Variants in OPCML observed in about 807,000 individuals in gnomAD.
OPCML encodes opioid binding protein/cell adhesion molecule like.
A neutral mutation model predicts 37.8 loss-of-function variants in OPCML; 13 were observed. The ratio of observed to expected loss-of-function variants is 0.34; its 90% CI spans 0.22 to 0.55. The LOEUF (loss-of-function observed/expected upper bound fraction) is 0.55, where lower values mean the gene tolerates loss of function less well. Ranked by LOEUF, OPCML falls within the 20% of genes least tolerant of loss-of-function variation. The pLI is 0.91. For missense variants in OPCML, 341 were observed against 435.6 expected, an observed-to-expected ratio of 0.78 and a Z score of 1.93; for synonymous variants, 176 against 168.8, an observed-to-expected ratio of 1.04 and a Z score of -0.33.
intron 4 of OPCML, among the ~76,000 whole-genome samples, chr11:132,471,694 GC>G (rs1478302418): frequency 6.6e-6 from 1 of 152,204 alleles, no homozygotes; most frequent in Non-Finnish European, 1.5e-5. Flanking sequence ...ACAAGGCCAT[GC>G]ATTCCAGGAG....
At chr11:133,190,079 T>C (rs1375695230) in intron 1 of OPCML, among the ~76,000 whole-genome samples, 1 of 152,202 alleles carries the variant, frequency 6.6e-6, no homozygotes, top group Non-Finnish European at 1.5e-5. Context: ...TCAACAAAGA[T>C]ATAATCCTAC....
intron 1 of OPCML, among the ~76,000 whole-genome samples, chr11:133,189,225 G>A (rs1281255327): frequency 1.3e-5 from 2 of 152,046 alleles, no homozygotes; most frequent in African/African-American, 2.4e-5. Flanking sequence ...AATGAAATCA[G>A]AACCTGGATA....
intron 3 of OPCML, among the ~76,000 whole-genome samples, chr11:132,557,076 T>C (rs2096397319): frequency 6.6e-6 from 1 of 152,216 alleles, no homozygotes; most frequent in East Asian, 1.9e-4. Flanking sequence ...AATCTTATTC[T>C]TACCCTAGTT....
intron 1 of OPCML, among the ~76,000 whole-genome samples, chr11:133,134,429 GC>G (rs1949651631): frequency 6.6e-6 from 1 of 152,214 alleles, no homozygotes; most frequent in Non-Finnish European, 1.5e-5. Context: ...TCTGTCCTGA[GC>G]CACAGTCCTT....
intron 1 of OPCML, among the ~76,000 whole-genome samples, chr11:133,424,806 G>A (rs1156560771): frequency 6.6e-6 from 1 of 152,132 alleles, no homozygotes; most frequent in Non-Finnish European, 1.5e-5. Context: ...ATTAAACTTT[G>A]CAAAACAATG....
At chr11:132,924,660 G>T (rs1181778907) in intron 2 of OPCML, among the ~76,000 whole-genome samples, 1 of 152,108 alleles carries the variant, frequency 6.6e-6, no homozygotes, top group Non-Finnish European at 1.5e-5. Flanking sequence ...TTCCCCGCTA[G>T]TATCTTCCAA....
intron 1 of OPCML, among the ~76,000 whole-genome samples, chr11:132,988,923 C>T (rs1355482485): frequency 1.3e-5 from 2 of 152,144 alleles, no homozygotes; most frequent in African/African-American, 2.4e-5. Context: ...AATGAACAAG[C>T]ATAGCAGGGA....
At chr11:133,031,017 T>C (rs1279659519) in intron 1 of OPCML, among the ~76,000 whole-genome samples, 2 of 152,206 alleles carry the variant, frequency 1.3e-5, no homozygotes, top group Non-Finnish European at 2.9e-5. Context: ...ATAGCTTGAG[T>C]AGGATATAAT....
At position 133,182,137 on chromosome 11, in the gene OPCML, C is replaced by G. The variant is rs962347410; in HGVS notation, c.62-239127G>C. On this transcript the variant is annotated intron_variant, in intron 1 of 7. Coordinates refer to ENST00000524381, the MANE Select transcript of OPCML (RefSeq NM_001012393.5). ...CCCCTAATGCTAAATAACTGTACTG[C>G]CCTCAGCTGACTGCCCATCTTCAGT... Among the ~76,000 whole-genome samples, 74 of 152,154 alleles carry G rather than the reference C, an allele frequency of 4.9e-4. 1 individual carries two copies. Among genetic ancestry groups the G allele is most frequent in the Admixed American group, 4.8e-3 (73 of 15,280 alleles).
chr11:132,504,780 A>G lies in OPCML; in HGVS notation c.505+24281T>C, dbSNP rs144538467. On this transcript the variant is annotated intron_variant, in intron 4 of 7. Transcript: ENST00000524381. Reference sequence around the variant, plus strand: ...TGACTTGGCTGGGGAGCCACGAGCTATTGTGTGGCTGTATGCTATGGTCAT... The same window carrying G: ...TGACTTGGCTGGGGAGCCACGAGCTGTTGTGTGGCTGTATGCTATGGTCAT... Among the ~76,000 whole-genome samples the G allele has an allele frequency of 2.2e-3, 330 of 152,096 alleles. 1 individual carries two copies. Among genetic ancestry groups the G allele is most frequent in the Non-Finnish European group, 3.5e-3 (239 of 67,990 alleles).
chr11:132,705,988 A>T (rs1944017046), intron 2 of OPCML, among the ~76,000 whole-genome samples: 1 of 152,032 alleles, frequency 6.6e-6, no homozygotes, highest in Non-Finnish European at 1.5e-5. Flanking sequence ...TTGTATCTTT[A>T]GTAAAGACGG....
intron 1 of OPCML, among the ~76,000 whole-genome samples, chr11:133,276,872 C>G (rs576337403): frequency 1.3e-5 from 2 of 152,294 alleles, no homozygotes; most frequent in African/African-American, 4.8e-5. Flanking sequence ...CTTTGAAAGA[C>G]TTCATCCATT....
chr11:133,006,311 T>A (rs1249367970), intron 1 of OPCML: 2 of 564,968 alleles, frequency 3.5e-6, no homozygotes, highest in Non-Finnish European at 4.5e-6. Context: ...TTTCCCTTTT[T>A]CTTCCTTTTC....
At chr11:132,513,658 A>G (rs975715757) in intron 4 of OPCML, among the ~76,000 whole-genome samples, 8 of 151,962 alleles carry the variant, frequency 5.3e-5, no homozygotes, top group African/African-American at 1.9e-4. Flanking sequence ...CCTCTACCTC[A>G]CCCATTTCAT....
At chr11:132,584,112 G>A (rs967176812) in intron 3 of OPCML, among the ~76,000 whole-genome samples, 3 of 152,076 alleles carry the variant, frequency 2.0e-5, no homozygotes, top group African/African-American at 7.2e-5. Flanking sequence ...TTAAGCCAGG[G>A]CCATTTAAAA....
At chr11:132,897,071 A>G (rs1943878513) in intron 2 of OPCML, among the ~76,000 whole-genome samples, 1 of 152,198 alleles carries the variant, frequency 6.6e-6, no homozygotes, top group African/African-American at 2.4e-5. Flanking sequence ...AAGGCTCTAC[A>G]GCAAGTCCCA....
intron 1 of OPCML, among the ~76,000 whole-genome samples, chr11:133,344,934 C>G (rs1035513515): frequency 6.6e-6 from 1 of 152,188 alleles, no homozygotes; most frequent in Admixed American, 6.5e-5. Context: ...GTGAGGAGGA[C>G]TTGCTAGCCA....
intron 1 of OPCML, among the ~76,000 whole-genome samples, chr11:133,182,998 A>T (rs967865092): frequency 6.6e-6 from 1 of 152,006 alleles, no homozygotes; most frequent in Admixed American, 6.6e-5. Context: ...AAACGTGATA[A>T]TTTTGTTAGC....
At chr11:133,241,800 C>G (rs1448528979) in intron 1 of OPCML, among the ~76,000 whole-genome samples, 1 of 152,198 alleles carries the variant, frequency 6.6e-6, no homozygotes, top group African/African-American at 2.4e-5. Context: ...TGCGGGCCAT[C>G]CTCAGAACCA....
Sources: gnomAD v4.1 joint callset for allele counts (sites outside exome capture counted in the v4.1 genomes callset) on GRCh38, gnomAD v4.1.1 for gene constraint, MANE v1.5 for transcripts, NCBI Gene and HGNC (gene_info 2026-07-23, HGNC 2026-07-21) for gene names.